The following HDAC4 variants were observed in gnomAD, a reference collection of about 807,000 sequenced individuals.
The protein encoded by HDAC4 is histone deacetylase A.
Under a neutral mutation model 135.1 loss-of-function variants are expected in HDAC4, and 16 were observed. The ratio of observed to expected loss-of-function variants is 0.12; its 90% CI spans 0.08 to 0.18. The LOEUF is 0.18. HDAC4 is among the 10% of genes least tolerant of loss of function. The pLI is 1.00. For missense variants in HDAC4, 1,143 were observed against 1,511.8 expected (o/e 0.76, Z 4.05); for synonymous variants, 685 against 653.4 (o/e 1.05, Z -0.74).
chr2:239,331,365 T>C lies in HDAC4; in HGVS notation c.22+21313A>G, dbSNP rs1340888527. 6.6e-6 allele frequency among the ~76,000 whole-genome samples: 1 copy of C among 152,058 alleles called. No homozygotes were observed. Among genetic ancestry groups the C allele is most frequent in the Non-Finnish European group, 1.5e-5 (1 of 68,008 alleles). Reference sequence around the variant, plus strand: ...CCCACTGCATTTCTGGTCAGGGAGATTTTAGAGCATTTATAAGGTGCGACA... The same window carrying C: ...CCCACTGCATTTCTGGTCAGGGAGACTTTAGAGCATTTATAAGGTGCGACA... On this transcript the variant is annotated intron_variant, in intron 2 of 26. Coordinates refer to ENST00000543185, the MANE Select transcript of HDAC4 (RefSeq NM_001378414.1). The surrounding 1 kb of genome is among the most constrained non-coding windows in gnomAD (Gnocchi z 4.5).
intron 2 of HDAC4, among the ~76,000 whole-genome samples, chr2:239,345,987 G>A (rs1300805503): frequency 8.5e-5 from 10 of 118,000 alleles, no homozygotes; most frequent in South Asian, 5.9e-4. Flanking sequence ...ATATACCACC[G>A]TCTCACACAC....
chr2:239,262,360 A>T lies in HDAC4; in HGVS notation c.23-25696T>A, dbSNP rs926481519. Among the ~76,000 whole-genome samples, 5 of 152,208 alleles carry T rather than the reference A, an allele frequency of 3.3e-5. No individual in the cohort carries two copies. The highest frequency in any genetic ancestry group is 1.2e-4 in the African/African-American group (5 of 41,456). On this transcript the variant is annotated intron_variant, in intron 2 of 26. Coordinates refer to ENST00000543185, the MANE Select transcript of HDAC4 (RefSeq NM_001378414.1). This position sits in a 1 kb window ranked among gnomAD's most constrained non-coding sequence, Gnocchi z 4.1. ...GAGTAGCAATTTGGTTCTCTGCGGA[A>T]TCGTAAGTGGAAGGGATGTATTTTC...
In HDAC4 at chr2:239,374,371, G is replaced by T. The variant is rs1447176966; in HGVS notation, c.-219-21453C>A. On this transcript the variant is annotated intron_variant, in intron 1 of 26. Coordinates refer to ENST00000543185, the MANE Select transcript of HDAC4 (RefSeq NM_001378414.1). ...AGGAGAGGAGGAAACCACCCCAGATGAATAGAAAACAAGGCTTTTTTTTTT... is the reference window on the plus strand; with the variant it reads ...AGGAGAGGAGGAAACCACCCCAGATTAATAGAAAACAAGGCTTTTTTTTTT... Among the ~76,000 whole-genome samples, 12 of 130,116 alleles carry T rather than the reference G, an allele frequency of 9.2e-5. No homozygotes were observed. In the Admixed American group the frequency reaches 9.4e-4, roughly 10 times the overall value. The allele number at this position is 130,116 out of a possible 152,430, so 85.4% of individuals were successfully genotyped here.
intron 7 of HDAC4, among the ~76,000 whole-genome samples, chr2:239,147,120 G>A (rs543610403): frequency 2.0e-5 from 3 of 152,210 alleles, no homozygotes; most frequent in Admixed American, 6.5e-5. Flanking sequence ...TGCGGGGCTC[G>A]GGGAGGGGAT....
intron 16 of HDAC4, 79 bp downstream of exon 16, chr2:239,102,697 C>T: frequency 1.9e-6 from 3 of 1,551,224 alleles, no homozygotes; most frequent in South Asian, 1.1e-5. Context: ...GTGCCCCAGA[C>T]ACAAGGGGTT....
At chr2:239,112,454 C>A (rs1363351696) in intron 13 of HDAC4, among the ~76,000 whole-genome samples, 1 of 152,222 alleles carries the variant, frequency 6.6e-6, no homozygotes, top group African/African-American at 2.4e-5. Context: ...GCAGTAACAG[C>A]CCATCAGCTT....
At chr2:239,064,813 C>T (rs1160414737) in intron 24 of HDAC4, among the ~76,000 whole-genome samples, 1 of 152,198 alleles carries the variant, frequency 6.6e-6, no homozygotes, top group South Asian at 2.1e-4. Flanking sequence ...CCAGCACCCA[C>T]GCCCATGTGC....
chr2:239,367,809 A>C (rs932181560), intron 1 of HDAC4, among the ~76,000 whole-genome samples: 1 of 151,988 alleles, frequency 6.6e-6, no homozygotes, highest in African/African-American at 2.4e-5. Context: ...CCCCATCTCT[A>C]CTAAAAATAC....
chr2:239,278,916 C>A (rs867664054), intron 2 of HDAC4, among the ~76,000 whole-genome samples: 1 of 152,150 alleles, frequency 6.6e-6, no homozygotes, highest in Admixed American at 6.5e-5. Flanking sequence ...CAGGAGGGCG[C>A]CTGGAGCCCA....
intron 13 of HDAC4, among the ~76,000 whole-genome samples, chr2:239,114,602 C>G (rs752842454): frequency 1.3e-5 from 2 of 152,228 alleles, no homozygotes; most frequent in Non-Finnish European, 2.9e-5. Context: ...TCGCACCCGT[C>G]TGTCTGGATC....
Position 239,111,945 on chromosome 2 carries a change from C to A in HDAC4, c.1792-233G>T, listed in dbSNP as rs192457891. Among the ~76,000 whole-genome samples the A allele has an allele frequency of 3.3e-4, 50 of 152,296 alleles. No individual in the cohort carries two copies. The South Asian group carries it at 8.5e-3, about 26-fold the overall frequency. ...CACAGGCTCTGCCTCCCAGGACGGTCTCTCTAGGGAAGGCAGGCTGTCCAC... is the reference window on the plus strand; with the variant it reads ...CACAGGCTCTGCCTCCCAGGACGGTATCTCTAGGGAAGGCAGGCTGTCCAC... On this transcript the variant is annotated intron_variant, in intron 13 of 26. Transcript: ENST00000543185.
At chr2:239,378,093 G>T (rs907493348) in intron 1 of HDAC4, among the ~76,000 whole-genome samples, 3 of 152,146 alleles carry the variant, frequency 2.0e-5, no homozygotes, top group Non-Finnish European at 4.4e-5. Flanking sequence ...AACATCCGGG[G>T]AATGCCAGCG....
At chr2:239,323,592 G>A (rs1049368490) in intron 2 of HDAC4, among the ~76,000 whole-genome samples, 3 of 152,176 alleles carry the variant, frequency 2.0e-5, no homozygotes, top group Non-Finnish European at 4.4e-5. Context: ...GAGGCGTCTG[G>A]GAGCTCAGGC....
intron 22 of HDAC4, among the ~76,000 whole-genome samples, chr2:239,079,138 A>T (rs1260689780): frequency 6.6e-6 from 1 of 152,238 alleles, no homozygotes; most frequent in Non-Finnish European, 1.5e-5. Context: ...TTCCATGAGC[A>T]GATGGTGACA....
At chr2:239,301,842 C>A (rs758975031) in intron 2 of HDAC4, among the ~76,000 whole-genome samples, 1 of 152,146 alleles carries the variant, frequency 6.6e-6, no homozygotes, top group African/African-American at 2.4e-5. Context: ...AATGCTACTG[C>A]GGTGTGATTC....
Position 239,285,915 on chromosome 2 carries a change from C to T in HDAC4, c.23-49251G>A, listed in dbSNP as rs1440900292. ...GTGGCATGCCTATCAGAAGAACGGC[C>T]TCCTCACTCCCATCCCTCTATTTCC... On this transcript the variant is annotated intron_variant, in intron 2 of 26. Transcript: ENST00000543185. The surrounding 1 kb of genome is among the most constrained non-coding windows in gnomAD (Gnocchi z 4.5). 6.6e-6 allele frequency among the ~76,000 whole-genome samples: 1 copy of T among 152,058 alleles called. No homozygotes were observed. The highest frequency in any genetic ancestry group is 2.4e-5 in the African/African-American group (1 of 41,410).
chr2:239,224,812 T>C (rs1182226500), intron 3 of HDAC4, among the ~76,000 whole-genome samples: 1 of 152,238 alleles, frequency 6.6e-6, no homozygotes, highest in East Asian at 1.9e-4. Flanking sequence ...TCCCCAGTCC[T>C]TGACTGCTCA....
intron 3 of HDAC4, among the ~76,000 whole-genome samples, chr2:239,232,369 T>G (rs2047626181): frequency 6.6e-6 from 1 of 152,230 alleles, no homozygotes; most frequent in Non-Finnish European, 1.5e-5. Flanking sequence ...TCCTCTGTCC[T>G]CAAACTGCAA....
chr2:239,116,202 G>A (rs978831873), intron 12 of HDAC4, among the ~76,000 whole-genome samples: 5 of 152,104 alleles, frequency 3.3e-5, no homozygotes, highest in African/African-American at 4.8e-5. Flanking sequence ...AAGTATCAGC[G>A]ACTCCCAAAG....
Sources: allele counts gnomAD v4.1 joint callset (sites outside exome capture counted in the v4.1 genomes callset), GRCh38; gene constraint gnomAD v4.1.1; non-coding constraint Gnocchi (gnomAD v3.1); transcripts MANE v1.5; gene names NCBI Gene and HGNC (gene_info 2026-07-23, HGNC 2026-07-21).